SRD5A2: variants seen among roughly 807,000 people sequenced by gnomAD.
SRD5A2 encodes 3-oxo-5-alpha-steroid 4-dehydrogenase 2.
Under a neutral mutation model 27.4 loss-of-function variants are expected in SRD5A2, and 30 were observed. That is an observed-to-expected ratio of 1.10 (90% CI 0.82 to 1.49). The LOEUF is 1.49. Ranked by LOEUF, SRD5A2 falls within the 40% of genes most tolerant of loss-of-function variation. SRD5A2 has a pLI of 0.00. For synonymous variants in SRD5A2, 141 were observed against 133.6 expected (o/e 1.06, Z -0.38); for missense variants, 348 against 323.4 (o/e 1.08, Z -0.58).
chr2:31,572,465 T>A, intron 1 of SRD5A2, among the ~76,000 whole-genome samples: 1 of 152,140 alleles, frequency 6.6e-6, no homozygotes, highest in East Asian at 1.9e-4. Context: ...ATAATTTTTT[T>A]AAAACAAAAG....
chr2:31,569,680 A>AC (rs1215806154), intron 1 of SRD5A2, among the ~76,000 whole-genome samples: 20 of 150,110 alleles, frequency 1.3e-4, no homozygotes, highest in African/African-American at 3.9e-4. Flanking sequence ...CAAAAAACAA[A>AC]AAAAAAAAAA....
At chr2:31,561,813 C>A (rs1666630200) in intron 1 of SRD5A2, among the ~76,000 whole-genome samples, 1 of 152,066 alleles carries the variant, frequency 6.6e-6, no homozygotes, top group Admixed American at 6.6e-5. Context: ...ATTTTTAATA[C>A]CCCAGAAGAT....
At chr2:31,639,100 T>C in the SRD5A2 span, among the ~76,000 whole-genome samples, 2 of 152,064 alleles carry the variant, frequency 1.3e-5, no homozygotes, top group African/African-American at 4.8e-5. Flanking sequence ...GCAGTTACCA[T>C]GAGGCTATTT....
the SRD5A2 span, among the ~76,000 whole-genome samples, chr2:31,606,200 G>A: frequency 1.3e-5 from 2 of 151,824 alleles, no homozygotes; most frequent in African/African-American, 4.8e-5. Flanking sequence ...ACGAAATGTA[G>A]AAAGAATGAG....
At chr2:31,621,761 GGAGTA>G in the SRD5A2 span, among the ~76,000 whole-genome samples, 1 of 151,840 alleles carries the variant, frequency 6.6e-6, no homozygotes. Flanking sequence ...CCTCTGATCT[GGAGTA>G]GCTAGAACTA....
the SRD5A2 span, among the ~76,000 whole-genome samples, chr2:31,616,860 T>A: frequency 6.6e-6 from 1 of 152,110 alleles, no homozygotes; most frequent in Non-Finnish European, 1.5e-5. Flanking sequence ...TAAATATGGT[T>A]TGGTTGTGTC....
At chr2:31,543,200 T>C (rs1325125674) in intron 1 of SRD5A2, among the ~76,000 whole-genome samples, 1 of 152,182 alleles carries the variant, frequency 6.6e-6, no homozygotes, top group Non-Finnish European at 1.5e-5. Context: ...ACACCATATC[T>C]GGCAAAACTT....
intron 1 of SRD5A2, among the ~76,000 whole-genome samples, chr2:31,553,529 A>G (rs1007869467): frequency 9.2e-5 from 14 of 152,232 alleles, no homozygotes; most frequent in Admixed American, 9.2e-4. Flanking sequence ...AGGCAGCAAG[A>G]GAAATGTGAC....
chr2:31,606,008 A>G, the SRD5A2 span, among the ~76,000 whole-genome samples: 7 of 151,954 alleles, frequency 4.6e-5, no homozygotes, highest in African/African-American at 1.7e-4. Context: ...AGATGGATGG[A>G]ACTGGAGGTT....
the SRD5A2 span, among the ~76,000 whole-genome samples, chr2:31,633,961 A>T: frequency 6.6e-5 from 10 of 152,262 alleles, no homozygotes; most frequent in Non-Finnish European, 1.2e-4. Flanking sequence ...AAATTTTTTT[A>T]AATGCTAATT....
the SRD5A2 span, among the ~76,000 whole-genome samples, chr2:31,595,288 C>T: frequency 2.6e-5 from 4 of 151,814 alleles, no homozygotes; most frequent in Non-Finnish European, 5.9e-5. Context: ...AAAAGATAAA[C>T]AAAATTGATA....
chr2:31,619,719 T>G, the SRD5A2 span, among the ~76,000 whole-genome samples: 1 of 152,178 alleles, frequency 6.6e-6, no homozygotes, highest in Non-Finnish European at 1.5e-5. Flanking sequence ...ATATGATTGT[T>G]GGCCATATGT....
the SRD5A2 span, among the ~76,000 whole-genome samples, chr2:31,610,178 A>C: frequency 6.6e-6 from 1 of 152,178 alleles, no homozygotes; most frequent in Non-Finnish European, 1.5e-5. Flanking sequence ...TTATGTGGTC[A>C]GCATTATCCT....
the SRD5A2 span, among the ~76,000 whole-genome samples, chr2:31,638,401 T>C: frequency 6.6e-6 from 1 of 152,166 alleles, no homozygotes; most frequent in African/African-American, 2.4e-5. Context: ...ATGTGTATTC[T>C]ACAGCAGTTG....
At chr2:31,543,404 GTAT>G (rs1666178179) in intron 1 of SRD5A2, among the ~76,000 whole-genome samples, 1 of 152,054 alleles carries the variant, frequency 6.6e-6, no homozygotes, top group Non-Finnish European at 1.5e-5. Flanking sequence ...GTAAAAGGTG[GTAT>G]TATTATAACA....
chr2:31,589,944 G>C, the SRD5A2 span, among the ~76,000 whole-genome samples: 1 of 152,104 alleles, frequency 6.6e-6, no homozygotes, highest in Non-Finnish European at 1.5e-5. Context: ...GGGAGTAAGA[G>C]TGGCCTTGCT....
rs886055950 is a variant in SRD5A2 at position 31,525,510 on chromosome 2, C to A, written c.*686G>T. The A allele has an allele frequency of 1.8e-5, 4 of 225,154 alleles. No individual in the cohort carries two copies. Among genetic ancestry groups the A allele is most frequent in the Non-Finnish European group, 3.5e-5 (4 of 113,152 alleles). 13.9% of individuals were successfully genotyped at this position (225,154 alleles called of 1,614,324 possible). A position where few individuals can be genotyped will look rare whatever the true frequency, so the allele number is the denominator to read the frequency against. On this transcript the variant is annotated 3_prime_UTR_variant, in exon 5 of 5. Coordinates refer to ENST00000622030, the MANE Select transcript of SRD5A2 (RefSeq NM_000348.4). The stretch of plus-strand genomic sequence containing the variant: ...AACCTGGCCTTCAAGAATAGCCATA[C>A]CAGTTTTCCGGGGATTGTGAAATCT...
In SRD5A2 at chr2:31,533,720, T is replaced by G; in HGVS notation, c.328A>C (p.Ile110Leu). The change falls in exon 2 of 5, where the codon ATA becomes CTA. Residue 110 changes from isoleucine (I) to leucine (L), a missense_variant. Transcript: ENST00000622030. The stretch of plus-strand genomic sequence containing the variant: ...AAGGCAGTGCCTCTGAGAATGAGTA[T>G]AGCTGGATAAGGCCTCCCTCGATTG... ...LLNRGRPYPA[I>L]LILRGTAFCT... 1.9e-6 allele frequency: 3 copies of G among 1,600,148 alleles called. No homozygotes were observed. The highest frequency in any genetic ancestry group is 2.6e-6 in the Non-Finnish European group (3 of 1,173,222).
chr2:31,543,653 G>A (rs547798450), intron 1 of SRD5A2, among the ~76,000 whole-genome samples: 1 of 152,208 alleles, frequency 6.6e-6, no homozygotes, highest in East Asian at 1.9e-4. Flanking sequence ...TGTTAAAGTA[G>A]CAGAGTTTTA....
Sources: allele counts gnomAD v4.1 joint callset (sites outside exome capture counted in the v4.1 genomes callset), GRCh38; gene constraint gnomAD v4.1.1; transcripts MANE v1.5; gene names NCBI Gene and HGNC (gene_info 2026-07-23, HGNC 2026-07-21).